The following TRIM3 variants were observed in gnomAD, a reference collection of about 807,000 sequenced individuals.
TRIM3 encodes the protein tripartite motif containing 3, also known as tripartite motif-containing protein 3.
TRIM3 carries 13 observed loss-of-function variants against 66.6 expected under a neutral mutation model. The observed-to-expected ratio is 0.20, with a 90% confidence interval of 0.13 to 0.31. The LOEUF is 0.31. Among genes scored for constraint, TRIM3 ranks in the 10% least tolerant of loss-of-function variants. The pLI is 1.00. For synonymous variants in TRIM3, 406 were observed against 411.7 expected, an observed-to-expected ratio of 0.99 and a Z score of 0.17; for missense variants, 711 against 1,020.4, an observed-to-expected ratio of 0.70 and a Z score of 4.13.
Position 6,465,558 on chromosome 11 carries a change from C to A in TRIM3, c.131+7G>T. 1 of 1,614,090 alleles carries A rather than the reference C, an allele frequency of 6.2e-7. No homozygotes were observed. The highest frequency in any genetic ancestry group is 1.1e-5 in the South Asian group (1 of 91,072). On this transcript the variant is annotated splice_region_variant and intron_variant, in intron 2 of 11. Coordinates refer to ENST00000345851, the MANE Select transcript of TRIM3 (RefSeq NM_033278.4). ...CTCATCCCTCCCCAGTACACACATC[C>A]CCTCACCTCTCACAGAAGGTGTGCA... is the stretch of plus-strand genomic sequence containing the variant.
intron 7 of TRIM3, 192 bp from the exon 8 acceptor site, chr11:6,451,630 G>A: frequency 1.6e-6 from 1 of 608,672 alleles, no homozygotes; most frequent in South Asian, 2.0e-5. Flanking sequence ...ATGGGATTGT[G>A]AGAACATGAA....
At chr11:6,474,093 C>A (rs1850836157), upstream of TRIM3, 1 of 147,914 alleles carries the variant, frequency 6.8e-6, no homozygotes, top group South Asian at 2.1e-4. Context: ...CCCCCGCCAA[C>A]GCCTCCACCT....
In TRIM3 at chr11:6,457,403, C is replaced by T. The variant is rs1655659986; in HGVS notation, c.589G>A (p.Ala197Thr). The T allele has an allele frequency of 1.2e-6, 2 of 1,613,700 alleles. No homozygotes were observed. The highest frequency in any genetic ancestry group is 2.2e-5 in the East Asian group (1 of 44,892). ...AACGCTGCACTGATCTGGGCCAGGGCCTCTGCCTTGCGCTCCTGCAGCTGC... is the reference window on the plus strand; with the variant it reads ...AACGCTGCACTGATCTGGGCCAGGGTCTCTGCCTTGCGCTCCTGCAGCTGC... ...SQQLQERKAEALAQISAAFED... is the reference protein window; with the variant it reads ...SQQLQERKAETLAQISAAFED... The change falls in exon 5 of 12, where the codon GCC (alanine) becomes ACC (threonine). Residue 197 changes from alanine (A) to threonine (T), a missense_variant. Physicochemically the swap from Ala to Thr is moderately conservative, Grantham distance 58 (BLOSUM62 0). Transcript: ENST00000345851. This position sits in a 1 kb window ranked among gnomAD's most constrained non-coding sequence, Gnocchi z 4.5.
chr11:6,458,323 A>T lies in TRIM3; in HGVS notation c.132-27T>A. On this transcript the variant is annotated intron_variant, in intron 2 of 11. Coordinates refer to ENST00000345851, the MANE Select transcript of TRIM3 (RefSeq NM_033278.4). This position sits in a 1 kb window ranked among gnomAD's most constrained non-coding sequence, Gnocchi z 6.2. ...TGTCCAGGAAGGAGAGTCAAAGAAC[A>T]GAGTGGGTGGGGTGGCATAAGTGCA... 6.3e-7 allele frequency: 1 copy of T among 1,590,292 alleles called. No individual in the cohort carries two copies. Among genetic ancestry groups the T allele is most frequent in the Non-Finnish European group, 8.6e-7 (1 of 1,161,000 alleles).
At chr11:6,460,343 C>A (rs1229295924) in intron 2 of TRIM3, among the ~76,000 whole-genome samples, 2 of 151,982 alleles carry the variant, frequency 1.3e-5, no homozygotes, top group African/African-American at 2.4e-5. Context: ...CAATGAGGAG[C>A]TGGTTGAGGG....
At chr11:6,461,103 G>T (rs1280991308) in intron 2 of TRIM3, among the ~76,000 whole-genome samples, 1 of 151,810 alleles carries the variant, frequency 6.6e-6, no homozygotes, top group Non-Finnish European at 1.5e-5. Flanking sequence ...ATGGGGTTTT[G>T]TCATGTTGGC....
intron 1 of TRIM3, among the ~76,000 whole-genome samples, chr11:6,467,698 G>A (rs373498059): frequency 1.6e-3 from 240 of 152,282 alleles, no homozygotes; most frequent in African/African-American, 5.4e-3. Context: ...CCAGGAGGTC[G>A]AGGCTGCAGT....
chr11:6,471,197 TC>T (rs927878816), intron 1 of TRIM3, among the ~76,000 whole-genome samples: 2 of 152,198 alleles, frequency 1.3e-5, no homozygotes, highest in Admixed American at 1.3e-4. Context: ...CTCACAGGAT[TC>T]CCAGTACACA....
chr11:6,455,956 G>T, intron 7 of TRIM3, 116 bp downstream of exon 7: 1 of 649,742 alleles, frequency 1.5e-6, no homozygotes, highest in Non-Finnish European at 2.4e-6. Flanking sequence ...TTAAGGAACG[G>T]TACTATCTGT....
intron 1 of TRIM3, among the ~76,000 whole-genome samples, chr11:6,469,633 A>C (rs905633877): frequency 6.6e-6 from 1 of 152,142 alleles, no homozygotes; most frequent in African/African-American, 2.4e-5. Flanking sequence ...TCACTCCCTC[A>C]TTCAGCATTC....
In TRIM3 at chr11:6,456,338, C is replaced by G; in HGVS notation, c.1388G>C (p.Arg463Pro). 6.5e-7 allele frequency: 1 copy of G among 1,542,226 alleles called. No individual in the cohort carries two copies. The highest frequency in any genetic ancestry group is 8.8e-7 in the Non-Finnish European group (1 of 1,140,860). ...CTCATCCTCAATTGGGTTGTCCTTT[C>G]GTTTGCCGCCTGTGCTGTACATGGA... ...PSSMYSTGGK[R>P]KDNPIEDELV... is the part of the protein sequence containing the mutation. The change falls in exon 6 of 12, where the codon CGA becomes CCA. Residue 463 changes from arginine (R) to proline (P), a missense_variant. Arg to Pro is a moderately radical substitution (Grantham distance 103). Around this residue, in one of 3 missense-constraint regions of TRIM3, gnomAD observed 399 missense variants for 458.1 expected, o/e 0.87. Transcript: ENST00000345851. This position sits in a 1 kb window ranked among gnomAD's most constrained non-coding sequence, Gnocchi z 6.4.
At chr11:6,455,634 C>A (rs530212344) in intron 7 of TRIM3, among the ~76,000 whole-genome samples, 1 of 152,160 alleles carries the variant, frequency 6.6e-6, no homozygotes, top group Non-Finnish European at 1.5e-5. Flanking sequence ...TCTAGCCAAC[C>A]TGATAACTGC....
At chr11:6,473,964 G>C (rs926056135), upstream of TRIM3, 2 of 151,550 alleles carry the variant, frequency 1.3e-5, no homozygotes, top group East Asian at 3.9e-4. Context: ...GGCCGGGGCG[G>C]GGCTGCGGAC....
intron 2 of TRIM3, among the ~76,000 whole-genome samples, chr11:6,459,475 T>A (rs1489955313): frequency 6.6e-6 from 1 of 152,216 alleles, no homozygotes; most frequent in African/African-American, 2.4e-5. Flanking sequence ...TACCATTTAT[T>A]AAGTGCATAT....
chr11:6,465,781 C>CT, intron 1 of TRIM3, 49 bp from the exon 2 acceptor site: 1 of 1,530,732 alleles, frequency 6.5e-7, no homozygotes, highest in Non-Finnish European at 8.9e-7. Flanking sequence ...TTCTTCTCCC[C>CT]ACCCAATCCC....
Position 6,449,168 on chromosome 11 carries a change from A to G in TRIM3, c.2095T>C (p.Ser699Pro). ...GNSRIQVFDSSGSFLSYINTS... is the reference protein window; with the variant it reads ...GNSRIQVFDSPGSFLSYINTS... ...TTGATATAGGACAGGAAGGAGCCAGAGCTGTCGAATACCTGGGGAAGGAGT... is the reference window on the plus strand; with the variant it reads ...TTGATATAGGACAGGAAGGAGCCAGGGCTGTCGAATACCTGGGGAAGGAGT... The change falls in exon 12 of 12, where the codon TCT becomes CCT. Residue 699 changes from serine to proline, a missense_variant. Ser to Pro is a moderately conservative substitution (Grantham distance 74). Transcript: ENST00000345851. This position sits in a 1 kb window ranked among gnomAD's most constrained non-coding sequence, Gnocchi z 5.3. 1 of 1,614,120 alleles carries G rather than the reference A, an allele frequency of 6.2e-7. No individual in the cohort carries two copies. Among genetic ancestry groups the G allele is most frequent in the Non-Finnish European group, 8.5e-7 (1 of 1,179,938 alleles).
intron 1 of TRIM3, among the ~76,000 whole-genome samples, chr11:6,473,556 T>G (rs11605777): frequency 6.6e-6 from 1 of 151,504 alleles, no homozygotes; most frequent in Non-Finnish European, 1.5e-5. Flanking sequence ...CGCGCTCCCC[T>G]AAGGAACCAT....
intron 1 of TRIM3, among the ~76,000 whole-genome samples, chr11:6,468,154 A>G (rs965237182): frequency 1.3e-5 from 2 of 152,256 alleles, no homozygotes; most frequent in African/African-American, 4.8e-5. Context: ...AGAAATCCAA[A>G]GGACATCAAG....
Position 6,456,129 on chromosome 11 carries a change from C to T in TRIM3, c.1476G>A (p.Val492=). The T allele has an allele frequency of 6.2e-7, 1 of 1,614,192 alleles. No homozygotes were observed. The highest frequency in any genetic ancestry group is 8.5e-7 in the Non-Finnish European group (1 of 1,180,046). The change falls in exon 7 of 12, where the codon GTG becomes GTA. Residue 492 remains valine (V), a synonymous_variant. Coordinates refer to ENST00000345851, the MANE Select transcript of TRIM3 (RefSeq NM_033278.4). The surrounding 1 kb of genome is among the most constrained non-coding windows in gnomAD (Gnocchi z 6.4). ...CGATGCGGCCGCTGCTGGCTGCGGA[C>T]ACACCTTGTAAATTGGTGAATTCAC... is the stretch of plus-strand genomic sequence containing the variant. The part of the protein sequence containing the change: ...EKGEFTNLQG[V]SAASSGRIVV...
Sources: gnomAD v4.1 joint callset for allele counts (sites outside exome capture counted in the v4.1 genomes callset) on GRCh38, gnomAD v4.1.1 for gene constraint, gnomAD v4.1.1 regional missense constraint, Gnocchi (gnomAD v3.1) non-coding constraint, MANE v1.5 for transcripts, NCBI Gene and HGNC (gene_info 2026-07-23, HGNC 2026-07-21) for gene names.